RANGAP1: variants seen among roughly 807,000 people sequenced by gnomAD.
RANGAP1 encodes ran GTPase-activating protein 1.
A neutral mutation model predicts 63.5 loss-of-function variants in RANGAP1; 38 were observed. That is an observed-to-expected ratio of 0.60 (90% confidence interval 0.46 to 0.78). The LOEUF is 0.78. Ranked by LOEUF, RANGAP1 falls within the 30% of genes least tolerant of loss-of-function variation. RANGAP1 has a pLI of 0.00. For missense variants in RANGAP1, 630 were observed against 740.3 expected (o/e 0.85, Z 1.73); for synonymous variants, 329 against 310.5 (o/e 1.06, Z -0.63).
upstream of RANGAP1, among the ~76,000 whole-genome samples, chr22:41,288,596 C>G (rs1449803042): frequency 6.6e-6 from 1 of 152,184 alleles, no homozygotes; most frequent in African/African-American, 2.4e-5. Context: ...CTTCTTGAGA[C>G]TTTCCTTGGC....
At chr22:41,290,961 AG>A (rs908804535), upstream of RANGAP1, among the ~76,000 whole-genome samples, 1 of 152,210 alleles carries the variant, frequency 6.6e-6, no homozygotes, top group African/African-American at 2.4e-5. Flanking sequence ...CTGCAGGGCA[AG>A]GCAGCCTCCC....
intron 15 of RANGAP1, among the ~76,000 whole-genome samples, chr22:41,248,990 C>T (rs1265556386): frequency 6.6e-6 from 1 of 152,250 alleles, no homozygotes; most frequent in African/African-American, 2.4e-5. Flanking sequence ...AGACATGGGT[C>T]TGGACACTGG....
chr22:41,277,418 C>T, intron 2 of RANGAP1: 2 of 1,155,780 alleles, frequency 1.7e-6, no homozygotes, highest in South Asian at 1.3e-5. Flanking sequence ...TTGAATGTTT[C>T]TGTATTCTAT....
Position 41,249,323 on chromosome 22 carries a change from C to T in RANGAP1, c.1694+7G>A, listed in dbSNP as rs1273052073. The T allele has an allele frequency of 6.3e-7, 1 of 1,593,916 alleles. No individual in the cohort carries two copies. Among genetic ancestry groups the T allele is most frequent in the South Asian group, 1.1e-5 (1 of 87,694 alleles). ...AGGCACCGGCAGAAGGACAAGGCCA[C>T]ACTCACTTGGTCACGAACGCCAGCA... is the stretch of plus-strand genomic sequence containing the variant. On this transcript the variant is annotated splice_region_variant and intron_variant, in intron 15 of 15. Coordinates refer to ENST00000356244, the MANE Select transcript of RANGAP1 (RefSeq NM_002883.4).
chr22:41,274,442 A>G (rs1195378267), intron 3 of RANGAP1, among the ~76,000 whole-genome samples, 158 bp downstream of exon 3: 1 of 152,208 alleles, frequency 6.6e-6, no homozygotes, highest in African/African-American at 2.4e-5. Flanking sequence ...TCCCTAGCCA[A>G]TGCTGTGTGC....
In RANGAP1 at chr22:41,254,459, T is replaced by C. The variant is rs1370350987; in HGVS notation, c.1109A>G (p.Glu370Gly). 2 of 1,608,078 alleles carry C rather than the reference T, an allele frequency of 1.2e-6. No individual in the cohort carries two copies. Among genetic ancestry groups the C allele is most frequent in the East Asian group, 4.5e-5 (2 of 44,840 alleles). Residue 370 changes from glutamate (E) to glycine (G), a missense_variant, in exon 11 of 16, where the codon GAA becomes GGA. Physicochemically the swap from Glu to Gly is moderately conservative, Grantham distance 98. Coordinates refer to ENST00000356244, the MANE Select transcript of RANGAP1 (RefSeq NM_002883.4). ...TTCTTCTGCTTCCTCTTCTTCCTCT[T>C]CTCCTTCCTCCTCCTCCTCCTCGTC... The part of the protein sequence containing the change: ...DEDEEEEEEG[E>G]EEEEEAEEEE...
At chr22:41,249,235 G>C (rs1175449802) in intron 15 of RANGAP1, 95 bp downstream of exon 15, 1 of 1,458,634 alleles carries the variant, frequency 6.9e-7, no homozygotes, top group Non-Finnish European at 9.1e-7. Context: ...AGGCTGGCTG[G>C]GCTGGGGCTG....
Position 41,256,799 on chromosome 22 carries a change from T to G in RANGAP1, c.800A>C (p.Glu267Ala). ...AETLKTLRQV[E>A]VINFGDCLVR... ...CAGGCAGTCCCCAAAATTAATCACCTCCACCTGCCGCAAGGTCTTCAAGGT... is the reference window on the plus strand; with the variant it reads ...CAGGCAGTCCCCAAAATTAATCACCGCCACCTGCCGCAAGGTCTTCAAGGT... The change falls in exon 8 of 16, where the codon GAG becomes GCG. Residue 267 changes from glutamate (E) to alanine (A), a missense_variant. Glu to Ala is a moderately radical substitution (Grantham distance 107, BLOSUM62 -1). This residue lies in a region of RANGAP1 where 428 missense variants were observed against 465.5 expected (regional missense o/e 0.92). Transcript: ENST00000356244. 6.2e-7 allele frequency: 1 copy of G among 1,611,118 alleles called. No homozygotes were observed.
At chr22:41,248,635 G>A (rs1227209426) in intron 15 of RANGAP1, among the ~76,000 whole-genome samples, 1 of 152,244 alleles carries the variant, frequency 6.6e-6, no homozygotes, top group African/African-American at 2.4e-5. Flanking sequence ...CCCCCGGTTG[G>A]ACAAATGGGG....
At chr22:41,272,929 T>C (rs2034923382) in intron 3 of RANGAP1, among the ~76,000 whole-genome samples, 3 of 152,122 alleles carry the variant, frequency 2.0e-5, no homozygotes, top group Admixed American at 2.0e-4. Flanking sequence ...CCTCTCATCT[T>C]AGCCTCCCAA....
intron 3 of RANGAP1, among the ~76,000 whole-genome samples, chr22:41,271,409 C>T (rs28398829): frequency 1.9e-5 from 2 of 106,844 alleles, no homozygotes; most frequent in Admixed American, 9.1e-5. Flanking sequence ...AAAAAAAAAA[C>T]AAAAACGCCG....
intron 8 of RANGAP1, 108 bp from the exon 9 acceptor site, chr22:41,256,398 C>G: frequency 1.8e-6 from 2 of 1,102,460 alleles, no homozygotes; most frequent in Non-Finnish European, 2.6e-6. Flanking sequence ...GCTCTGTCCT[C>G]CAGGTGGGGC....
chr22:41,269,540 G>A (rs1267734438), intron 3 of RANGAP1, among the ~76,000 whole-genome samples: 1 of 151,748 alleles, frequency 6.6e-6, no homozygotes, highest in African/African-American at 2.4e-5. Context: ...TTTGAGAGTA[G>A]CCTGGCCAAC....
chr22:41,272,668 A>G (rs1476927596), intron 3 of RANGAP1, among the ~76,000 whole-genome samples: 2 of 151,952 alleles, frequency 1.3e-5, no homozygotes, highest in African/African-American at 2.4e-5. Flanking sequence ...CTACAGGCAC[A>G]CGCCACCACA....
At chr22:41,292,842 G>A in the RANGAP1 span, among the ~76,000 whole-genome samples, 3 of 151,996 alleles carry the variant, frequency 2.0e-5, no homozygotes, top group East Asian at 5.8e-4. Flanking sequence ...AGTGGCTCAC[G>A]CCTGTATTCC....
At chr22:41,256,127 C>T in intron 9 of RANGAP1, 22 bp from the exon 10 acceptor site, 2 of 1,614,076 alleles carry the variant, frequency 1.2e-6, no homozygotes, top group East Asian at 2.2e-5. Context: ...GAGGGAAGAG[C>T]AGTCAGCCGG....
At chr22:41,295,297 G>A in the RANGAP1 span, among the ~76,000 whole-genome samples, 1 of 151,696 alleles carries the variant, frequency 6.6e-6, no homozygotes, top group South Asian at 2.1e-4. Flanking sequence ...TCGGATGGTT[G>A]CCGTGTCTGT....
chr22:41,282,830 G>A (rs1026345392), intron 1 of RANGAP1, among the ~76,000 whole-genome samples: 3 of 152,118 alleles, frequency 2.0e-5, no homozygotes, highest in African/African-American at 7.2e-5. Context: ...GTATCTGTGA[G>A]ATGCTCCAAA....
the RANGAP1 span, among the ~76,000 whole-genome samples, chr22:41,295,092 G>A: frequency 4.2e-4 from 63 of 148,720 alleles, no homozygotes; most frequent in African/African-American, 1.1e-3. Flanking sequence ...TCAGCCCCCC[G>A]CCCGGCCAGC....
Sources: allele counts gnomAD v4.1 joint callset (sites outside exome capture counted in the v4.1 genomes callset), GRCh38; gene constraint gnomAD v4.1.1; regional missense constraint gnomAD v4.1.1; transcripts MANE v1.5; gene names NCBI Gene and HGNC (gene_info 2026-07-23, HGNC 2026-07-21).